N4BP2L2: variants seen among roughly 807,000 people sequenced by gnomAD.
N4BP2L2 encodes NEDD4-binding protein 2-like 2.
Under a neutral mutation model 56.2 loss-of-function variants are expected in N4BP2L2, and 50 were observed. The ratio of observed to expected loss-of-function variants is 0.89; its 90% CI spans 0.71 to 1.13. The LOEUF (loss-of-function observed/expected upper bound fraction) is 1.13. N4BP2L2 is among the 50% of genes most tolerant of loss of function. N4BP2L2 has a pLI of 0.00. For missense variants in N4BP2L2, 689 were observed against 693.8 expected, an observed-to-expected ratio of 0.99 and a Z score of 0.08; for synonymous variants, 203 against 223.6, an observed-to-expected ratio of 0.91 and a Z score of 0.82.
chr13:32,495,556 C>CA (rs1406006397), intron 6 of N4BP2L2, among the ~76,000 whole-genome samples: 1 of 152,158 alleles, frequency 6.6e-6, no homozygotes, highest in Non-Finnish European at 1.5e-5. Context: ...TGGAAAGTAA[C>CA]AGATATAGCA....
intron 6 of N4BP2L2, among the ~76,000 whole-genome samples, chr13:32,476,772 CTATT>C (rs1483761899): frequency 6.6e-6 from 1 of 152,142 alleles, no homozygotes; most frequent in Non-Finnish European, 1.5e-5. Flanking sequence ...ACCACATTCA[CTATT>C]TATAAAGATA....
intron 1 of N4BP2L2, among the ~76,000 whole-genome samples, chr13:32,538,072 G>T (rs971323182): frequency 2.4e-5 from 3 of 124,516 alleles, no homozygotes; most frequent in East Asian, 2.6e-4. Flanking sequence ...CCCCGTCTTG[G>T]GGGGGGGGGG....
chr13:32,530,641 C>T (rs563500320), intron 2 of N4BP2L2, among the ~76,000 whole-genome samples: 5 of 151,926 alleles, frequency 3.3e-5, no homozygotes, highest in Non-Finnish European at 7.4e-5. Flanking sequence ...TCATTTAATC[C>T]TCATAAAAGC....
At chr13:32,449,470 G>C (rs772341157) in intron 6 of N4BP2L2, among the ~76,000 whole-genome samples, 2 of 152,042 alleles carry the variant, frequency 1.3e-5, no homozygotes, top group Admixed American at 6.6e-5. Flanking sequence ...CATGAAAAAA[G>C]TTAAACTGCA....
intron 2 of N4BP2L2, among the ~76,000 whole-genome samples, chr13:32,531,882 AAT>A (rs2054905702): frequency 6.6e-6 from 1 of 152,316 alleles, no homozygotes; most frequent in South Asian, 2.1e-4. Context: ...GGCTCTACAG[AAT>A]ATGTTTCCTT....
At chr13:32,454,499 A>G (rs140662903) in intron 6 of N4BP2L2, among the ~76,000 whole-genome samples, 1 of 152,216 alleles carries the variant, frequency 6.6e-6, no homozygotes, top group Non-Finnish European at 1.5e-5. Context: ...CCTATGAGAC[A>G]TACAAAGAAG....
chr13:32,480,019 AT>A (rs995309834), intron 6 of N4BP2L2, among the ~76,000 whole-genome samples: 6 of 152,196 alleles, frequency 3.9e-5, no homozygotes, highest in African/African-American at 1.2e-4. Flanking sequence ...TTAAAAAAAA[AT>A]GTAGCAAATC....
intron 6 of N4BP2L2, among the ~76,000 whole-genome samples, chr13:32,491,095 G>GA (rs1593824894): frequency 6.6e-6 from 1 of 151,672 alleles, no homozygotes; most frequent in East Asian, 1.9e-4. Flanking sequence ...AACCTGAAAA[G>GA]AAAAAACCGA....
intron 1 of N4BP2L2, among the ~76,000 whole-genome samples, chr13:32,537,428 T>C (rs984406545): frequency 1.3e-5 from 2 of 152,096 alleles, no homozygotes; most frequent in African/African-American, 4.8e-5. Flanking sequence ...AACACCAAAT[T>C]AACACATACT....
intron 6 of N4BP2L2, among the ~76,000 whole-genome samples, chr13:32,481,854 T>C (rs2084816678): frequency 6.6e-6 from 1 of 152,248 alleles, no homozygotes; most frequent in Non-Finnish European, 1.5e-5. Context: ...ATGGTGACCC[T>C]GTCATATTCT....
chr13:32,508,029 T>G (rs2091228391), downstream of N4BP2L2: 1 of 151,994 alleles, frequency 6.6e-6, no homozygotes, highest in Non-Finnish European at 1.5e-5. Flanking sequence ...CACAGAGATC[T>G]GAACAAAAAC....
At chr13:32,513,145 T>C (rs577065662) in exon 6 of N4BP2L2, 1 of 152,314 alleles carries the variant, frequency 6.6e-6, no homozygotes, top group South Asian at 2.1e-4. Flanking sequence ...TGAGAGTAAA[T>C]TGTAGCCATT....
At chr13:32,526,154 C>A (rs2052692258) in intron 3 of N4BP2L2, among the ~76,000 whole-genome samples, 1 of 151,984 alleles carries the variant, frequency 6.6e-6, no homozygotes, top group Non-Finnish European at 1.5e-5. Context: ...TAGACAACTA[C>A]AGCATGTGGA....
intron 6 of N4BP2L2, among the ~76,000 whole-genome samples, chr13:32,494,039 G>A (rs1200802849): frequency 6.6e-6 from 1 of 152,178 alleles, no homozygotes; most frequent in African/African-American, 2.4e-5. Flanking sequence ...TTGGGAGGCT[G>A]AGGTGGGCGG....
intron 6 of N4BP2L2, among the ~76,000 whole-genome samples, chr13:32,500,147 T>C (rs1027197321): frequency 3.9e-5 from 6 of 152,148 alleles, no homozygotes; most frequent in Non-Finnish European, 5.9e-5. Context: ...AGATCTACCA[T>C]AGGCTCGGTG....
chr13:32,517,799 A>G, exon 6 of N4BP2L2: 2 of 1,612,414 alleles, frequency 1.2e-6, no homozygotes, highest in Non-Finnish European at 8.5e-7. Flanking sequence ...GAAAATAGCT[A>G]ATTTAATGAT....
At chr13:32,456,070 G>A (rs973556585) in intron 6 of N4BP2L2, among the ~76,000 whole-genome samples, 5 of 152,176 alleles carry the variant, frequency 3.3e-5, no homozygotes, top group African/African-American at 1.2e-4. Context: ...AGAAGCTGAA[G>A]AATCATCATA....
At chr13:32,532,682 C>T (rs550936047) in intron 2 of N4BP2L2, among the ~76,000 whole-genome samples, 3 of 150,006 alleles carry the variant, frequency 2.0e-5, no homozygotes, top group Non-Finnish European at 4.5e-5. Flanking sequence ...CCTCTGCCTC[C>T]CGGGTTCAAG....
At chr13:32,436,467 T>G (rs1269943861) in intron 8 of N4BP2L2, 1 of 777,702 alleles carries the variant, frequency 1.3e-6, no homozygotes, top group Admixed American at 2.9e-5. Context: ...AAGTTTGCAC[T>G]GTCATTTTAC....
Sources: allele counts gnomAD v4.1 joint callset (sites outside exome capture counted in the v4.1 genomes callset), GRCh38; gene constraint gnomAD v4.1.1; transcripts MANE v1.5; gene names NCBI Gene and HGNC (gene_info 2026-07-23, HGNC 2026-07-21).